TMCC2: variants seen among roughly 807,000 people sequenced by gnomAD.
TMCC2 encodes the protein transmembrane and coiled-coil domains protein 2.
Under a neutral mutation model 49.4 loss-of-function variants are expected in TMCC2, and 16 were observed. The ratio of observed to expected loss-of-function variants is 0.32; its 90% confidence interval spans 0.22 to 0.49. The LOEUF (loss-of-function observed/expected upper bound fraction) is 0.49, where lower values mean the gene tolerates loss of function less well. Among genes scored for constraint, TMCC2 ranks in the 20% least tolerant of loss-of-function variants. TMCC2 has a pLI of 0.99. For synonymous variants in TMCC2, 397 were observed against 434.1 expected (o/e 0.91, Z 1.06); for missense variants, 762 against 989.8 (o/e 0.77, Z 3.09).
intron 2 of TMCC2, among the ~76,000 whole-genome samples, chr1:205,245,845 G>C (rs928012973): frequency 6.8e-6 from 1 of 147,216 alleles, no homozygotes; most frequent in Admixed American, 6.9e-5. Flanking sequence ...CATCCATCTC[G>C]GCTCACTGCA....
Position 205,272,025 on chromosome 1 carries a change from C to T in TMCC2, c.2031C>T (p.Arg677=), listed in dbSNP as rs137894585. ...CGCCCCTCATGAAGACACGCCTGCG[C>T]ATCACCAGCACCACCCTCCTGGTCC... ...FITPLMKTRL[R]ITSTTLLVLV... Residue 677 remains arginine (R), a synonymous_variant, in exon 5 of 5, where the codon CGC becomes CGT. Transcript: ENST00000358024. The T allele has an allele frequency of 6.2e-7, 1 of 1,614,216 alleles. No individual in the cohort carries two copies. The highest frequency in any genetic ancestry group is 1.7e-5 in the Admixed American group (1 of 60,020).
chr1:205,236,187 TG>T (rs1351748727), intron 1 of TMCC2, among the ~76,000 whole-genome samples: 1 of 152,066 alleles, frequency 6.6e-6, no homozygotes, highest in Non-Finnish European at 1.5e-5. Context: ...TGTAAGGACA[TG>T]AGCCCCCTCC....
intron 2 of TMCC2, chr1:205,257,492 T>G: frequency 1.2e-5 from 12 of 999,082 alleles, no homozygotes; most frequent in South Asian, 5.3e-5. Flanking sequence ...CAGGGAGCTC[T>G]CCTCCAGGTA....
intron 2 of TMCC2, among the ~76,000 whole-genome samples, chr1:205,261,225 G>A (rs1661101493): frequency 7.0e-6 from 1 of 143,876 alleles, no homozygotes; most frequent in African/African-American, 2.6e-5. Context: ...TTTTGAAGCA[G>A]GGTCTCACTC....
rs1268071666 is a variant in TMCC2, at chr1:205,228,548, G to C, written c.-17G>C. 1 of 1,583,834 alleles carries C rather than the reference G, an allele frequency of 6.3e-7. No individual in the cohort carries two copies. Among genetic ancestry groups the C allele is most frequent in the African/African-American group, 1.3e-5 (1 of 74,322 alleles). ...CGCGCTGGAAGGACAGATTCCCCTT[G>C]CCGACCCACATACACCATGAAGAGG... On this transcript the variant is annotated 5_prime_UTR_variant, in exon 1 of 5. Transcript: ENST00000358024.
intron 1 of TMCC2, among the ~76,000 whole-genome samples, chr1:205,237,107 T>C (rs563901954): frequency 6.6e-6 from 1 of 152,086 alleles, no homozygotes; most frequent in South Asian, 2.1e-4. Context: ...CATCACTGGG[T>C]TTCCAGTAGA....
intron 2 of TMCC2, among the ~76,000 whole-genome samples, chr1:205,248,720 CTT>C (rs774032761): frequency 1.4e-5 from 2 of 145,318 alleles, no homozygotes; most frequent in Admixed American, 6.9e-5. Context: ...TCTCCCTCTT[CTT>C]TTTTTTTTTT....
intron 2 of TMCC2, among the ~76,000 whole-genome samples, chr1:205,255,830 G>A (rs1388621329): frequency 6.6e-6 from 1 of 152,162 alleles, no homozygotes; most frequent in African/African-American, 2.4e-5. Context: ...AGTGCTTGGT[G>A]CGAAAATATA....
intron 1 of TMCC2, among the ~76,000 whole-genome samples, chr1:205,240,166 C>A (rs938436676): frequency 5.3e-5 from 8 of 152,238 alleles, no homozygotes; most frequent in African/African-American, 1.9e-4. Context: ...CCAAGTCTCA[C>A]CCCTCCTTCC....
In TMCC2 at chr1:205,241,919, G is replaced by A; in HGVS notation, c.622G>A (p.Ala208Thr). ...LRKAPQDSSLAAILHQHQCRP... is the reference protein window; with the variant it reads ...LRKAPQDSSLTAILHQHQCRP... ...CAAGGCCCCCCAGGACAGCAGCCTG[G>A]CCGCCATCCTGCACCAGCACCAGTG... The change falls in exon 2 of 5, where the codon GCC becomes ACC. Residue 208 changes from alanine to threonine, a missense_variant. Transcript: ENST00000358024. This position sits in a 1 kb window ranked among gnomAD's most constrained non-coding sequence, Gnocchi z 7.3. 1 of 1,610,348 alleles carries A rather than the reference G, an allele frequency of 6.2e-7. No individual in the cohort carries two copies. The highest frequency in any genetic ancestry group is 1.1e-5 in the South Asian group (1 of 90,756).
At chr1:205,245,602 T>A (rs775700159) in intron 2 of TMCC2, among the ~76,000 whole-genome samples, 1 of 152,232 alleles carries the variant, frequency 6.6e-6, no homozygotes, top group Admixed American at 6.5e-5. Flanking sequence ...CAAGTTCTTG[T>A]GCATGTTTAC....
At chr1:205,254,230 G>T (rs761624971) in intron 2 of TMCC2, among the ~76,000 whole-genome samples, 7 of 152,204 alleles carry the variant, frequency 4.6e-5, no homozygotes, top group African/African-American at 7.2e-5. Flanking sequence ...TGCCCAGCGA[G>T]CCCAGCTCTG....
chr1:205,228,725 C>A lies in TMCC2; in HGVS notation c.161C>A (p.Ala54Asp). 2 of 1,610,608 alleles carry A rather than the reference C, an allele frequency of 1.2e-6. No individual in the cohort carries two copies. The part of the protein sequence containing the change: ...AGGPTSDAGA[A>D]AAPNPGPRSK... ...GGGCCAACTTCAGACGCCGGCGCTG[C>A]CGCGGCGCCCAACCCAGGTCCCCGA... is the stretch of plus-strand genomic sequence containing the variant. Residue 54 changes from alanine to aspartate, a missense_variant, in exon 1 of 5, where the codon GCC becomes GAC. By Grantham distance (126) the Ala-to-Asp change is moderately radical (BLOSUM62 -2). Coordinates refer to ENST00000358024, the MANE Select transcript of TMCC2 (RefSeq NM_014858.4).
At chr1:205,245,230 G>A (rs952468798) in intron 2 of TMCC2, among the ~76,000 whole-genome samples, 1 of 152,114 alleles carries the variant, frequency 6.6e-6, no homozygotes, top group Admixed American at 6.5e-5. Context: ...GGAGGAAGAG[G>A]AAGAAAAAAT....
At chr1:205,235,504 G>A (rs570739880) in intron 1 of TMCC2, among the ~76,000 whole-genome samples, 80 of 152,224 alleles carry the variant, frequency 5.3e-4, no homozygotes, top group Non-Finnish European at 8.1e-4. Flanking sequence ...CAAAGTGTGG[G>A]GTTATCAGGA....
In TMCC2 at chr1:205,272,167, G is replaced by A; in HGVS notation, c.*43G>A. On this transcript the variant is annotated 3_prime_UTR_variant, in exon 5 of 5. Coordinates refer to ENST00000358024, the MANE Select transcript of TMCC2 (RefSeq NM_014858.4). The stretch of plus-strand genomic sequence containing the variant: ...CCCTGTGCTCTCTGGCCCCCAGCTG[G>A]CCACACTTCTCCAGGAGGGACCCTT... 6.3e-7 allele frequency: 1 copy of A among 1,593,024 alleles called. No homozygotes were observed. Among genetic ancestry groups the A allele is most frequent in the Admixed American group, 1.7e-5 (1 of 59,364 alleles).
rs558917235 is a variant in TMCC2 at position 205,264,279 on chromosome 1, A to T, written c.748-4671A>T. ...CAATACCTAGTACAATGTAAATACT[A>T]TGAAAATAGAAAATAGTGTGACACT... On this transcript the variant is annotated intron_variant, in intron 2 of 4. Transcript: ENST00000358024. This position sits in a 1 kb window ranked among gnomAD's most constrained non-coding sequence, Gnocchi z 4.2. Among the ~76,000 whole-genome samples the T allele has an allele frequency of 2.6e-5, 4 of 152,346 alleles. No homozygotes were observed. The East Asian group carries it at 7.7e-4, about 29-fold the overall frequency.
rs532959679 is a variant in TMCC2, at chr1:205,253,847, TC to T, written c.747+11805del. Among the ~76,000 whole-genome samples the T allele has an allele frequency of 4.6e-5, 7 of 152,362 alleles. No individual in the cohort carries two copies. The South Asian group carries it at 1.4e-3, about 32-fold the overall frequency. On this transcript the variant is annotated intron_variant, in intron 2 of 4. Coordinates refer to ENST00000358024, the MANE Select transcript of TMCC2 (RefSeq NM_014858.4). ...GTTTGTGTATGCATGTGCACATACA[TC>T]CATGGTGAGGGAGCTTCAGGACCAG...
chr1:205,256,950 C>T lies in TMCC2; in HGVS notation c.748-12000C>T, dbSNP rs192804076. Among the ~76,000 whole-genome samples, 69 of 152,202 alleles carry T rather than the reference C, an allele frequency of 4.5e-4. No homozygotes were observed. In the East Asian group the frequency reaches 0.013, roughly 28 times the overall value. ...ATGTCATGTGTCCTCGTGCACATCC[C>T]TTTCAACCCCCTTTGCCCCCCACCC... On this transcript the variant is annotated intron_variant, in intron 2 of 4. Coordinates refer to ENST00000358024, the MANE Select transcript of TMCC2 (RefSeq NM_014858.4).
Sources: gnomAD v4.1 joint callset for allele counts (sites outside exome capture counted in the v4.1 genomes callset) on GRCh38, gnomAD v4.1.1 for gene constraint, Gnocchi (gnomAD v3.1) non-coding constraint, MANE v1.5 for transcripts, NCBI Gene and HGNC (gene_info 2026-07-23, HGNC 2026-07-21) for gene names.